Variants in KCNMA1 observed in about 807,000 individuals in gnomAD.
KCNMA1 encodes the protein Calcium-activated potassium channel subunit alpha-1.
Under a neutral mutation model 140.0 loss-of-function variants are expected in KCNMA1, and 29 were observed. The observed-to-expected ratio is 0.21, with a 90% CI of 0.15 to 0.28. KCNMA1 has a LOEUF of 0.28. Among genes scored for constraint, KCNMA1 ranks in the 10% least tolerant of loss-of-function variants. The probability of loss-of-function intolerance (pLI) is 1.00; values close to 1 mark genes in which losing one functional copy is unlikely to be tolerated. For synonymous variants in KCNMA1, 612 were observed against 611.9 expected (o/e 1.00, Z 0.00); for missense variants, 880 against 1,602.2 (o/e 0.55, Z 7.70).
chr10:77,146,057 C>T (rs1238636306), intron 5 of KCNMA1, among the ~76,000 whole-genome samples: 1 of 152,170 alleles, frequency 6.6e-6, no homozygotes, highest in Non-Finnish European at 1.5e-5. Flanking sequence ...AGATACTGGG[C>T]TAACCATATT....
chr10:77,061,491 G>A (rs935665354), intron 14 of KCNMA1, among the ~76,000 whole-genome samples: 4 of 152,162 alleles, frequency 2.6e-5, no homozygotes, highest in Non-Finnish European at 5.9e-5. Flanking sequence ...AAAATAAAAA[G>A]TATTGACAAT....
At chr10:76,910,200 A>G (rs2049548031) in intron 24 of KCNMA1, 104 bp from the exon 25 acceptor site, 1 of 1,278,854 alleles carries the variant, frequency 7.8e-7, no homozygotes. Flanking sequence ...GTCATTGAGA[A>G]GGAAACAAAA....
intron 2 of KCNMA1, among the ~76,000 whole-genome samples, chr10:77,305,651 T>C (rs1229529908): frequency 6.6e-6 from 1 of 152,144 alleles, no homozygotes; most frequent in Non-Finnish European, 1.5e-5. Flanking sequence ...AGTGAACAAA[T>C]ATTTTAAAAC....
chr10:76,900,051 GTTTTAATATTAC>G (rs1292489633), intron 25 of KCNMA1, among the ~76,000 whole-genome samples: 1 of 151,802 alleles, frequency 6.6e-6, no homozygotes, highest in East Asian at 1.9e-4. Context: ...TGGGTTTTAA[GTTTTAATATTAC>G]TTTTAATTGG....
At chr10:77,082,002 CT>C (rs772878572) in intron 12 of KCNMA1, among the ~76,000 whole-genome samples, 59 of 51,696 alleles carry the variant, frequency 1.1e-3, no homozygotes, top group African/African-American at 2.3e-3. Flanking sequence ...TTCTTTTTTT[CT>C]TTTCTTTTTT....
intron 3 of KCNMA1, among the ~76,000 whole-genome samples, chr10:77,239,038 C>T (rs1301942996): frequency 6.6e-6 from 1 of 152,222 alleles, no homozygotes; most frequent in Non-Finnish European, 1.5e-5. Context: ...CCCTCCTTGT[C>T]TACTCCTCAG....
intron 2 of KCNMA1, among the ~76,000 whole-genome samples, chr10:77,274,028 T>G (rs1421112256): frequency 6.6e-6 from 1 of 152,204 alleles, no homozygotes; most frequent in Admixed American, 6.5e-5. Context: ...TTTTCCTTTG[T>G]ACTGATGGCT....
rs143848013 is a variant in KCNMA1, at chr10:77,013,646, A to C, written c.2016-1603T>G. On this transcript the variant is annotated intron_variant, in intron 17 of 27. Transcript: ENST00000286628. Reference sequence around the variant, plus strand: ...AATAACGGTAACAATCATATAGCTAACATCTATAGAGAACAGACTACATGT... The same window carrying C: ...AATAACGGTAACAATCATATAGCTACCATCTATAGAGAACAGACTACATGT... Among the ~76,000 whole-genome samples, 1,388 of 152,330 alleles carry C rather than the reference A, an allele frequency of 9.1e-3. 13 individuals carry two copies. Among genetic ancestry groups the C allele is most frequent in the South Asian group, 0.03 (144 of 4,818 alleles).
chr10:77,579,223 C>G (rs190182402), intron 1 of KCNMA1, among the ~76,000 whole-genome samples: 1 of 152,218 alleles, frequency 6.6e-6, no homozygotes, highest in Non-Finnish European at 1.5e-5. Flanking sequence ...AGGGCATCTG[C>G]CGGCAGCTGG....
intron 1 of KCNMA1, among the ~76,000 whole-genome samples, chr10:77,631,356 C>T (rs992831349): frequency 2.0e-5 from 3 of 152,152 alleles, no homozygotes; most frequent in Admixed American, 6.5e-5. Context: ...CACAGAAAGG[C>T]ATGGCCCTGT....
chr10:77,007,654 T>C (rs1472328732), intron 18 of KCNMA1, among the ~76,000 whole-genome samples: 7 of 4,660 alleles, frequency 1.5e-3, no homozygotes, highest in Non-Finnish European at 2.1e-3. Flanking sequence ...TGTGTGTGTG[T>C]ATATATATAT....
intron 19 of KCNMA1, among the ~76,000 whole-genome samples, chr10:76,986,609 C>A (rs2081332221): frequency 6.6e-6 from 1 of 152,184 alleles, no homozygotes; most frequent in Non-Finnish European, 1.5e-5. Context: ...CTTACCCTGC[C>A]TAGATATAAC....
intron 1 of KCNMA1, among the ~76,000 whole-genome samples, chr10:77,545,501 C>T (rs1336544412): frequency 1.3e-5 from 2 of 152,144 alleles, no homozygotes; most frequent in East Asian, 3.9e-4. Context: ...TTTATAAACT[C>T]CCCAGAACCT....
At chr10:76,945,931 C>G (rs527448833) in intron 22 of KCNMA1, among the ~76,000 whole-genome samples, 1 of 152,000 alleles carries the variant, frequency 6.6e-6, no homozygotes, top group African/African-American at 2.4e-5. Flanking sequence ...AAATAGGATT[C>G]GTGGGGGTGA....
intron 1 of KCNMA1, chr10:77,634,277 C>T: frequency 1.0e-6 from 1 of 985,424 alleles, no homozygotes; most frequent in South Asian, 4.7e-5. Flanking sequence ...GCAAAGAACA[C>T]AGTACTGGAA....
intron 2 of KCNMA1, among the ~76,000 whole-genome samples, chr10:77,357,027 C>T: frequency 6.6e-6 from 1 of 152,106 alleles, no homozygotes; most frequent in East Asian, 1.9e-4. Context: ...TACGGAAATC[C>T]ACATAAAAGA....
chr10:77,414,410 T>C (rs2096688583), intron 1 of KCNMA1, among the ~76,000 whole-genome samples: 1 of 152,186 alleles, frequency 6.6e-6, no homozygotes, highest in African/African-American at 2.4e-5. Flanking sequence ...CTCTTACATC[T>C]ACTGTGTTCT....
At chr10:77,542,621 T>A (rs1290884565) in intron 1 of KCNMA1, among the ~76,000 whole-genome samples, 2 of 152,190 alleles carry the variant, frequency 1.3e-5, no homozygotes, top group African/African-American at 4.8e-5. Context: ...TGGAGAAAGA[T>A]GGCAGAGTGT....
At chr10:77,549,316 A>G (rs2062180710) in intron 1 of KCNMA1, among the ~76,000 whole-genome samples, 1 of 152,194 alleles carries the variant, frequency 6.6e-6, no homozygotes, top group Admixed American at 6.5e-5. Flanking sequence ...TATCTTGAGG[A>G]GTAAGGCCAG....
Sources: allele counts gnomAD v4.1 joint callset (sites outside exome capture counted in the v4.1 genomes callset), GRCh38; gene constraint gnomAD v4.1.1; transcripts MANE v1.5; gene names NCBI Gene and HGNC (gene_info 2026-07-23, HGNC 2026-07-21).